Variants in SLC2A13 observed in about 807,000 individuals in gnomAD.
The protein encoded by SLC2A13 is solute carrier family 2 member 13.
Under a neutral mutation model 64.4 loss-of-function variants are expected in SLC2A13, and 32 were observed. The ratio of observed to expected loss-of-function variants is 0.50; its 90% CI spans 0.37 to 0.67. The LOEUF is 0.67. SLC2A13 is among the 30% of genes least tolerant of loss of function. The pLI is 0.00. For missense variants in SLC2A13, 743 were observed against 829.2 expected (o/e 0.90, Z 1.28); for synonymous variants, 338 against 327.1 (o/e 1.03, Z -0.36).
At chr12:40,090,608 C>T (rs2136296220) in intron 1 of SLC2A13, among the ~76,000 whole-genome samples, 1 of 152,144 alleles carries the variant, frequency 6.6e-6, no homozygotes, top group East Asian at 1.9e-4. Flanking sequence ...TTTGAAAATG[C>T]ATGTCATATT....
At chr12:39,981,187 A>C (rs928903826) in intron 3 of SLC2A13, among the ~76,000 whole-genome samples, 33 of 150,154 alleles carry the variant, frequency 2.2e-4, no homozygotes, top group Non-Finnish European at 4.3e-4. Flanking sequence ...GTGTAGAGGG[A>C]AATTTATAGC....
chr12:39,826,170 C>A (rs1368508509), intron 7 of SLC2A13, among the ~76,000 whole-genome samples: 1 of 151,958 alleles, frequency 6.6e-6, no homozygotes, highest in East Asian at 1.9e-4. Flanking sequence ...TCCATGTTTT[C>A]TTAAAAAGAA....
At chr12:39,778,325 C>G (rs186499201) in intron 7 of SLC2A13, among the ~76,000 whole-genome samples, 395 of 152,282 alleles carry the variant, frequency 2.6e-3, no homozygotes, top group South Asian at 5.6e-3. Flanking sequence ...CATGTGCCAC[C>G]TAGCTGAGGG....
At chr12:39,985,630 C>T (rs1947017633) in intron 3 of SLC2A13, among the ~76,000 whole-genome samples, 1 of 152,114 alleles carries the variant, frequency 6.6e-6, no homozygotes, top group Non-Finnish European at 1.5e-5. Context: ...AAACAATGTA[C>T]TGATACAGAA....
intron 4 of SLC2A13, among the ~76,000 whole-genome samples, chr12:39,885,016 T>C (rs878926922): frequency 2.0e-5 from 3 of 152,222 alleles, no homozygotes; most frequent in Admixed American, 1.3e-4. Context: ...ACAGGTATTA[T>C]AGCCAGGAAG....
chr12:39,839,086 C>T (rs979449679), intron 6 of SLC2A13, among the ~76,000 whole-genome samples: 6 of 152,192 alleles, frequency 3.9e-5, no homozygotes, highest in Non-Finnish European at 8.8e-5. Flanking sequence ...CACTCTCTTT[C>T]CCCTAACAGC....
chr12:39,957,954 C>T (rs1293972400), intron 3 of SLC2A13, among the ~76,000 whole-genome samples: 1 of 152,146 alleles, frequency 6.6e-6, no homozygotes, highest in Non-Finnish European at 1.5e-5. Flanking sequence ...TGTAAGTGCT[C>T]TAACAGAGGT....
intron 4 of SLC2A13, among the ~76,000 whole-genome samples, chr12:39,948,680 G>A (rs894430450): frequency 3.9e-5 from 6 of 151,982 alleles, no homozygotes; most frequent in African/African-American, 9.7e-5. Context: ...TTTCAAAAAC[G>A]TATTTCAACT....
At chr12:39,783,219 C>T (rs907700305) in intron 7 of SLC2A13, among the ~76,000 whole-genome samples, 2 of 152,166 alleles carry the variant, frequency 1.3e-5, no homozygotes, top group African/African-American at 4.8e-5. Context: ...TTTATAGCTG[C>T]ATAGTATTCC....
rs555089703 is a variant in SLC2A13 at position 40,060,974 on chromosome 12, G to A, written c.557-12764C>T. Among the ~76,000 whole-genome samples the A allele has an allele frequency of 6.6e-5, 10 of 152,150 alleles. 1 individual carries two copies. The East Asian group carries it at 1.9e-3, about 29-fold the overall frequency. ...GGAGAAGGTTAAAGAAAGTTAATGT[G>A]CTTTAAGTTGCATATATTATTCAGA... On this transcript the variant is annotated intron_variant, in intron 1 of 9. Coordinates refer to ENST00000280871, the MANE Select transcript of SLC2A13 (RefSeq NM_052885.4).
At chr12:39,922,057 C>A (rs759991180) in intron 4 of SLC2A13, among the ~76,000 whole-genome samples, 1 of 151,900 alleles carries the variant, frequency 6.6e-6, no homozygotes, top group Non-Finnish European at 1.5e-5. Context: ...CAAATTTATG[C>A]GATTTATATT....
At chr12:40,091,310 A>G (rs956801326) in intron 1 of SLC2A13, among the ~76,000 whole-genome samples, 3 of 152,214 alleles carry the variant, frequency 2.0e-5, no homozygotes, top group Admixed American at 6.5e-5. Context: ...TAATTTGTAC[A>G]GTAGGTCAAA....
At chr12:39,802,159 C>T (rs1433347800) in intron 7 of SLC2A13, 1 of 152,184 alleles carries the variant, frequency 6.6e-6, no homozygotes, top group Non-Finnish European at 1.5e-5. Flanking sequence ...CATATGGCCT[C>T]ATGCTTAGAA....
chr12:40,005,285 T>C (rs1227830377), intron 3 of SLC2A13, among the ~76,000 whole-genome samples: 2 of 152,110 alleles, frequency 1.3e-5, no homozygotes, highest in Non-Finnish European at 2.9e-5. Flanking sequence ...AAGGGAAGAA[T>C]GAAGTTCATT....
At chr12:39,797,784 A>G (rs1254033777) in intron 7 of SLC2A13, among the ~76,000 whole-genome samples, 1 of 151,784 alleles carries the variant, frequency 6.6e-6, no homozygotes, top group Non-Finnish European at 1.5e-5. Context: ...ACATACACGG[A>G]TGCATACTGA....
intron 3 of SLC2A13, among the ~76,000 whole-genome samples, chr12:39,960,336 T>C (rs1946386690): frequency 2.6e-5 from 4 of 152,208 alleles, no homozygotes; most frequent in Admixed American, 2.6e-4. Flanking sequence ...GTTTTCTACA[T>C]AGACTTCCGC....
chr12:39,782,395 T>C (rs1402811338), intron 7 of SLC2A13, among the ~76,000 whole-genome samples: 1 of 152,170 alleles, frequency 6.6e-6, no homozygotes, highest in African/African-American at 2.4e-5. Flanking sequence ...TGTCACGAAA[T>C]CTGATGGGTT....
intron 2 of SLC2A13, among the ~76,000 whole-genome samples, chr12:40,045,702 CAT>C (rs1261189674): frequency 6.6e-6 from 1 of 151,990 alleles, no homozygotes; most frequent in Non-Finnish European, 1.5e-5. Context: ...TTAGTTTTCC[CAT>C]ACTCTTATTT....
At chr12:39,918,763 G>A (rs547606966) in intron 4 of SLC2A13, among the ~76,000 whole-genome samples, 111 of 151,204 alleles carry the variant, frequency 7.3e-4, no homozygotes, top group South Asian at 2.3e-3. Context: ...GCGTGGTGGC[G>A]CACGCCTATA....
Sources: gnomAD v4.1 joint callset for allele counts (sites outside exome capture counted in the v4.1 genomes callset) on GRCh38, gnomAD v4.1.1 for gene constraint, MANE v1.5 for transcripts, NCBI Gene and HGNC (gene_info 2026-07-23, HGNC 2026-07-21) for gene names.